Variants in FEM1C observed in about 807,000 individuals in gnomAD.
The protein encoded by FEM1C is protein fem-1 homolog C.
Under a neutral mutation model 37.6 loss-of-function variants are expected in FEM1C, and 15 were observed. That is an observed-to-expected ratio of 0.40 (90% CI 0.27 to 0.61). The LOEUF is 0.61. Ranked by LOEUF, FEM1C falls within the 20% of genes least tolerant of loss-of-function variation. FEM1C has a pLI of 0.42. For synonymous variants in FEM1C, 287 were observed against 272.8 expected (o/e 1.05, Z -0.51); for missense variants, 532 against 749.7 (o/e 0.71, Z 3.39).
intron 1 of FEM1C, among the ~76,000 whole-genome samples, 166 bp downstream of exon 1, chr5:115,544,357 T>C (rs1428053305): frequency 1.7e-5 from 2 of 118,086 alleles, no homozygotes; most frequent in Admixed American, 9.6e-5. Context: ...GGCAGCCCCC[T>C]CCCAATCTCC....
At chr5:115,535,910 C>T (rs1005590653) in intron 2 of FEM1C, among the ~76,000 whole-genome samples, 5 of 151,988 alleles carry the variant, frequency 3.3e-5, no homozygotes, top group Non-Finnish European at 5.9e-5. Context: ...CTCATACATG[C>T]TACAAAATGG....
chr5:115,541,067 A>C (rs1321417535), intron 2 of FEM1C, among the ~76,000 whole-genome samples: 1 of 152,124 alleles, frequency 6.6e-6, no homozygotes, highest in Non-Finnish European at 1.5e-5. Context: ...AAATGAAAAC[A>C]CTTATTAGAA....
At chr5:115,543,819 C>CA in intron 1 of FEM1C, 136 bp from the exon 2 acceptor site, 1 of 1,044,894 alleles carries the variant, frequency 9.6e-7, no homozygotes, top group Non-Finnish European at 1.2e-6. Flanking sequence ...ACACCCCCCC[C>CA]ACCCCCAAAG....
chr5:115,543,628 A>G lies in FEM1C; in HGVS notation c.-135T>C, dbSNP rs776951353. 1.0e-5 allele frequency: 15 copies of G among 1,444,574 alleles called. No homozygotes were observed. The highest frequency in any genetic ancestry group is 1.3e-5 in the Non-Finnish European group (14 of 1,105,130). The allele number at this position is 1,444,574 out of a possible 1,614,324, so 89.5% of individuals were successfully genotyped here. A position where few individuals can be genotyped will look rare whatever the true frequency, so the allele number is the denominator to read the frequency against. On this transcript the variant is annotated 5_prime_UTR_variant, in exon 2 of 3. Coordinates refer to ENST00000274457, the MANE Select transcript of FEM1C (RefSeq NM_020177.3). ...TGCACCCCAGAACGGATACACAACC[A>G]CGAAGAGTATGTTCCGTCCTACTGC...
intron 1 of FEM1C, chr5:115,544,002 G>A (rs1326099383): frequency 1.0e-6 from 1 of 985,296 alleles, no homozygotes; most frequent in African/African-American, 1.7e-5. Flanking sequence ...CCCAGGGAGA[G>A]TACAACCGAA....
At position 115,525,579 on chromosome 5, in the gene FEM1C, A is replaced by G. The variant is rs140342926; in HGVS notation, c.583T>C (p.Leu195=). ...ALHDCAESGS[L]DIMKMLLMYC... is the part of the protein sequence containing the mutation. Reference sequence around the variant, plus strand: ...ATAAGAAGCATCTTCATGATGTCCAAACTTCCAGATTCTGCACAATCATGC... The same window carrying G: ...ATAAGAAGCATCTTCATGATGTCCAGACTTCCAGATTCTGCACAATCATGC... The change falls in exon 3 of 3, where the codon TTG becomes CTG. Residue 195 remains leucine (L), a synonymous_variant. Coordinates refer to ENST00000274457, the MANE Select transcript of FEM1C (RefSeq NM_020177.3). The G allele has an allele frequency of 2.0e-4, 318 of 1,613,388 alleles. No individual in the cohort carries two copies. The highest frequency in any genetic ancestry group is 2.5e-4 in the Non-Finnish European group (295 of 1,179,694).
At chr5:115,536,880 AC>A (rs1754140316) in intron 2 of FEM1C, among the ~76,000 whole-genome samples, 1 of 151,964 alleles carries the variant, frequency 6.6e-6, no homozygotes, top group South Asian at 2.1e-4. Context: ...CATTCTTATA[AC>A]CTGAGGGAGA....
rs1753855686 is a variant in FEM1C at position 115,524,884 on chromosome 5, G to C, written c.1278C>G (p.Ile426Met). 6.2e-7 allele frequency: 1 copy of C among 1,613,644 alleles called. No individual in the cohort carries two copies. The highest frequency in any genetic ancestry group is 1.3e-5 in the African/African-American group (1 of 74,904). ...GGTCAGCTGGACACTGAGTTTGTTT[G>C]ATAGCTCGCTCTATTTCAAGGACGC... ...CKSVLEIERAIKQTQCPADPL... is the reference protein window; with the variant it reads ...CKSVLEIERAMKQTQCPADPL... The change falls in exon 3 of 3, where the codon ATC becomes ATG. Residue 426 changes from isoleucine (I) to methionine (M), a missense_variant. Around this residue, in one of 3 missense-constraint regions of FEM1C, gnomAD observed 237 missense variants for 260.5 expected, o/e 0.91. Coordinates refer to ENST00000274457, the MANE Select transcript of FEM1C (RefSeq NM_020177.3).
intron 2 of FEM1C, among the ~76,000 whole-genome samples, chr5:115,538,844 C>T (rs142892732): frequency 1.3e-5 from 2 of 152,046 alleles, no homozygotes; most frequent in African/African-American, 4.8e-5. Flanking sequence ...TGCCAAAACC[C>T]TTCCACAGAT....
chr5:115,536,949 C>T (rs747194671), intron 2 of FEM1C, among the ~76,000 whole-genome samples: 14 of 151,940 alleles, frequency 9.2e-5, no homozygotes, highest in African/African-American at 2.9e-4. Flanking sequence ...AGGCTAAGAG[C>T]ACTGGAGCTA....
intron 2 of FEM1C, 133 bp downstream of exon 2, chr5:115,542,817 C>A (rs941382131): frequency 2.0e-6 from 2 of 1,021,574 alleles, no homozygotes; most frequent in Middle Eastern, 5.1e-4. Flanking sequence ...TCAACAAAGT[C>A]ATACTGGAAG....
rs1753871042 is a variant in FEM1C, at chr5:115,525,454, A to G, written c.708T>C (p.His236=). The G allele has an allele frequency of 6.2e-7, 1 of 1,613,686 alleles. No homozygotes were observed. Among genetic ancestry groups the G allele is most frequent in the Non-Finnish European group, 8.5e-7 (1 of 1,179,772 alleles). Residue 236 remains histidine, a synonymous_variant, in exon 3 of 3, where the codon CAT becomes CAC. Transcript: ENST00000274457. ...TACGTTCTGTCTTGCTGGTCTGTGC[A>G]TGGTGTGTCAGAAAATCCACAATAT... ...HTNIVDFLTH[H]AQTSKTERIN... is the part of the protein sequence containing the mutation.
chr5:115,522,995 A>C lies in FEM1C; in HGVS notation c.*1313T>G, dbSNP rs919467507. Reference sequence around the variant, plus strand: ...AGAGAAAGAAAGAGTGAGAGAAAGAAAGGAAGAAAGAGAAAAGAAAAAGCT... The same window carrying C: ...AGAGAAAGAAAGAGTGAGAGAAAGACAGGAAGAAAGAGAAAAGAAAAAGCT... On this transcript the variant is annotated 3_prime_UTR_variant, in exon 3 of 3. Transcript: ENST00000274457. 2.0e-5 allele frequency: 3 copies of C among 152,268 alleles called. No homozygotes were observed. The highest frequency in any genetic ancestry group is 4.4e-5 in the Non-Finnish European group (3 of 67,864). 9.4% of individuals were successfully genotyped at this position (152,268 alleles called of 1,614,324 possible).
Position 115,530,616 on chromosome 5 carries a change from T to G in FEM1C, c.545-4999A>C, listed in dbSNP as rs11960440. ...GAGCATATCCAAATACTGACCATAT[T>G]CTTGGCCGTAAGGCAAGTCTCAACA... On this transcript the variant is annotated intron_variant, in intron 2 of 2. Transcript: ENST00000274457. Among the ~76,000 whole-genome samples the G allele has an allele frequency of 1.9e-3, 291 of 152,234 alleles. 3 individuals are homozygous for G. Among genetic ancestry groups the G allele is most frequent in the African/African-American group, 6.7e-3 (279 of 41,568 alleles).
In FEM1C at chr5:115,540,004, C is replaced by A. The variant is rs73780317; in HGVS notation, c.544+2946G>T. On this transcript the variant is annotated intron_variant, in intron 2 of 2. Coordinates refer to ENST00000274457, the MANE Select transcript of FEM1C (RefSeq NM_020177.3). ...ACCAAGCACAATGTACTGACATTTT[C>A]TTTCCTCAGAACCATTTCCAGTGAA... 2.9e-3 allele frequency among the ~76,000 whole-genome samples: 449 copies of A among 152,240 alleles called. 3 individuals are homozygous for A. The highest frequency in any genetic ancestry group is 0.01 in the African/African-American group (434 of 41,558).
In FEM1C at chr5:115,521,786, T is replaced by C. The variant is rs1181856823; in HGVS notation, c.*2522A>G. The C allele has an allele frequency of 1.3e-5, 2 of 151,872 alleles. No homozygotes were observed. The highest frequency in any genetic ancestry group is 6.6e-5 in the Admixed American group (1 of 15,200). 9.4% of individuals were successfully genotyped at this position (151,872 alleles called of 1,614,324 possible). ...TATTTTATTATAATCCATCTCATAA[T>C]TGTGAGAATACTTTCTGACAAAGGC... On this transcript the variant is annotated 3_prime_UTR_variant, in exon 3 of 3. Transcript: ENST00000274457.
chr5:115,541,086 T>G (rs1447765600), intron 2 of FEM1C, among the ~76,000 whole-genome samples: 1 of 152,100 alleles, frequency 6.6e-6, no homozygotes, highest in African/African-American at 2.4e-5. Context: ...AAAGAATGTT[T>G]ACAGAAACAT....
chr5:115,530,844 T>C (rs1222245291), intron 2 of FEM1C, among the ~76,000 whole-genome samples: 3 of 151,466 alleles, frequency 2.0e-5, no homozygotes, highest in Admixed American at 6.6e-5. Context: ...AATAATAAAT[T>C]AGATAAAAAG....
chr5:115,528,372 C>T (rs912608624), intron 2 of FEM1C, among the ~76,000 whole-genome samples: 5 of 152,112 alleles, frequency 3.3e-5, no homozygotes, highest in African/African-American at 7.2e-5. Context: ...AGCTGAAACA[C>T]TGAGCAGAAC....
Sources: allele counts gnomAD v4.1 joint callset (sites outside exome capture counted in the v4.1 genomes callset), GRCh38; gene constraint gnomAD v4.1.1; regional missense constraint gnomAD v4.1.1; transcripts MANE v1.5; gene names NCBI Gene and HGNC (gene_info 2026-07-23, HGNC 2026-07-21).